The following C12orf42 variants were observed in gnomAD, a reference collection of about 807,000 sequenced individuals.
The protein encoded by C12orf42 is chromosome 12 open reading frame 42.
In C12orf42, 25 loss-of-function variants were observed where a neutral mutation model predicts 21.6. That is an observed-to-expected ratio of 1.16 (90% CI 0.84 to 1.62). The LOEUF (loss-of-function observed/expected upper bound fraction) is 1.62. Among genes scored for constraint, C12orf42 ranks in the 40% most tolerant of loss-of-function variants. C12orf42 has a pLI of 0.00. For synonymous variants in C12orf42, 174 were observed against 175.0 expected, an observed-to-expected ratio of 0.99 and a Z score of 0.05; for missense variants, 483 against 459.3, an observed-to-expected ratio of 1.05 and a Z score of -0.47.
chr12:103,193,220 T>C, the C12orf42 span, among the ~76,000 whole-genome samples: 4 of 151,362 alleles, frequency 2.6e-5, no homozygotes, highest in Non-Finnish European at 5.9e-5. Flanking sequence ...ACCAAAACTA[T>C]GGGATACAGC....
the C12orf42 span, among the ~76,000 whole-genome samples, chr12:103,108,782 G>C: frequency 3.8e-4 from 58 of 152,174 alleles, no homozygotes; most frequent in South Asian, 0.012. Flanking sequence ...CAAGGACCAA[G>C]ATAAAATAGC....
chr12:103,244,677 C>T (rs1355775921), intron 10 of C12orf42, among the ~76,000 whole-genome samples: 2 of 152,072 alleles, frequency 1.3e-5, no homozygotes, highest in East Asian at 3.9e-4. Flanking sequence ...AGAATTTCCC[C>T]TCTTTTTTAT....
chr12:103,373,584 C>T (rs2045446889), intron 3 of C12orf42, among the ~76,000 whole-genome samples: 1 of 152,168 alleles, frequency 6.6e-6, no homozygotes. Context: ...TTTAGGACAC[C>T]TAGCAGCAAC....
chr12:103,153,407 G>T, the C12orf42 span, among the ~76,000 whole-genome samples: 1 of 152,124 alleles, frequency 6.6e-6, no homozygotes, highest in African/African-American at 2.4e-5. Flanking sequence ...CAGAGTGGGA[G>T]AAGATATTTT....
chr12:103,226,242 C>T, the C12orf42 span, among the ~76,000 whole-genome samples: 1 of 152,134 alleles, frequency 6.6e-6, no homozygotes, highest in African/African-American at 2.4e-5. Context: ...GGGTTTGTCT[C>T]ACAGAGGAGG....
chr12:103,211,666 A>G, the C12orf42 span, among the ~76,000 whole-genome samples: 1 of 152,168 alleles, frequency 6.6e-6, no homozygotes, highest in African/African-American at 2.4e-5. Flanking sequence ...GGGGAAGTCA[A>G]CCTGATTGCA....
the C12orf42 span, among the ~76,000 whole-genome samples, chr12:103,556,837 C>A: frequency 6.6e-6 from 1 of 150,792 alleles, no homozygotes; most frequent in Non-Finnish European, 1.5e-5. Flanking sequence ...GTCCTCAGTC[C>A]AATGGTAAGT....
the C12orf42 span, among the ~76,000 whole-genome samples, chr12:103,173,748 T>C: frequency 1.3e-5 from 2 of 152,102 alleles, no homozygotes; most frequent in African/African-American, 2.4e-5. Flanking sequence ...CACTTCTTCT[T>C]CTCCTGATTA....
chr12:103,225,372 G>T, the C12orf42 span, among the ~76,000 whole-genome samples: 1 of 152,202 alleles, frequency 6.6e-6, no homozygotes, highest in African/African-American at 2.4e-5. Context: ...GCTATAGCAG[G>T]TGAGTGATAA....
At chr12:103,314,173 G>A (rs1366562820) in intron 4 of C12orf42, among the ~76,000 whole-genome samples, 1 of 152,118 alleles carries the variant, frequency 6.6e-6, no homozygotes, top group African/African-American at 2.4e-5. Flanking sequence ...CAGATGGATG[G>A]AGGGAAAGGG....
chr12:103,431,018 C>T lies in C12orf42; in HGVS notation c.79-29343G>A, dbSNP rs901840892. On this transcript the variant is annotated intron_variant, in intron 2 of 5. Coordinates refer to ENST00000548883, the MANE Select transcript of C12orf42 (RefSeq NM_198521.5). ...TAGGAGAAATACCTAATGTAGATGA[C>T]GAGTTGATGGGTGCAGCAAACCACC... 3.9e-5 allele frequency among the ~76,000 whole-genome samples: 6 copies of T among 151,942 alleles called. No homozygotes were observed. In the East Asian group the frequency reaches 5.8e-4, roughly 15 times the overall value.
chr12:103,073,067 C>T, the C12orf42 span, among the ~76,000 whole-genome samples: 1 of 152,014 alleles, frequency 6.6e-6, no homozygotes, highest in East Asian at 1.9e-4. Context: ...CCTTAGCAAG[C>T]TAATACAGGA....
At chr12:103,509,635 G>T in the C12orf42 span, among the ~76,000 whole-genome samples, 2 of 152,014 alleles carry the variant, frequency 1.3e-5, no homozygotes, top group African/African-American at 2.4e-5. Context: ...CTGAATTCCC[G>T]TTTTGAGCAC....
At chr12:103,082,748 G>C in the C12orf42 span, among the ~76,000 whole-genome samples, 2 of 152,154 alleles carry the variant, frequency 1.3e-5, no homozygotes, top group African/African-American at 4.8e-5. Flanking sequence ...TATGTACAAA[G>C]CCAGCAACAA....
the C12orf42 span, among the ~76,000 whole-genome samples, chr12:103,185,709 T>G: frequency 1.3e-5 from 2 of 152,136 alleles, 1 homozygote. Context: ...CTTGTGGTAG[T>G]GAATAATTCT....
the C12orf42 span, among the ~76,000 whole-genome samples, chr12:103,097,929 C>G: frequency 6.6e-6 from 1 of 152,162 alleles, no homozygotes; most frequent in Non-Finnish European, 1.5e-5. Flanking sequence ...CAAAACAAAA[C>G]AAACACCTTC....
chr12:103,416,480 C>G lies in C12orf42; in HGVS notation c.79-14805G>C, dbSNP rs552157816. ...AGAGATTTAGATTGGTTATTTTCAA[C>G]AAGGCAATACAGGAATGATAAATTC... On this transcript the variant is annotated intron_variant, in intron 2 of 5. Transcript: ENST00000548883. 2.0e-5 allele frequency among the ~76,000 whole-genome samples: 3 copies of G among 152,112 alleles called. No individual in the cohort carries two copies. The East Asian group carries it at 5.8e-4, about 29-fold the overall frequency.
chr12:103,260,464 A>G (rs1340432724), intron 10 of C12orf42, among the ~76,000 whole-genome samples: 1 of 152,236 alleles, frequency 6.6e-6, no homozygotes, highest in Non-Finnish European at 1.5e-5. Context: ...TTGGCTTCCA[A>G]GTGAACCTTC....
intron 4 of C12orf42, among the ~76,000 whole-genome samples, chr12:103,366,082 A>G (rs1234282723): frequency 6.6e-6 from 1 of 152,184 alleles, no homozygotes; most frequent in African/African-American, 2.4e-5. Context: ...GGCCATAGTC[A>G]CCAAAACAGC....
Sources: allele counts gnomAD v4.1 joint callset (sites outside exome capture counted in the v4.1 genomes callset), GRCh38; gene constraint gnomAD v4.1.1; transcripts MANE v1.5; gene names NCBI Gene and HGNC (gene_info 2026-07-23, HGNC 2026-07-21).